The following UIMC1 variants were observed in gnomAD, a reference collection of about 807,000 sequenced individuals.
The protein encoded by UIMC1 is BRCA1-A complex subunit RAP80.
UIMC1 carries 42 observed loss-of-function variants against 84.9 expected under a neutral mutation model. The ratio of observed to expected loss-of-function variants is 0.49; its 90% CI spans 0.39 to 0.64. The LOEUF (loss-of-function observed/expected upper bound fraction) is 0.64. Among genes scored for constraint, UIMC1 ranks in the 30% least tolerant of loss-of-function variants. The probability of loss-of-function intolerance (pLI) is 0.00; values close to 1 mark genes in which losing one functional copy is unlikely to be tolerated. For synonymous variants in UIMC1, 281 were observed against 293.0 expected, an observed-to-expected ratio of 0.96 and a Z score of 0.42; for missense variants, 825 against 847.6, an observed-to-expected ratio of 0.97 and a Z score of 0.33.
At chr5:176,980,578 T>C (rs908369155) in intron 2 of UIMC1, among the ~76,000 whole-genome samples, 10 of 152,238 alleles carry the variant, frequency 6.6e-5, no homozygotes, top group African/African-American at 1.2e-4. Flanking sequence ...TTATTGCTTA[T>C]GGTTAAATGT....
intron 10 of UIMC1, among the ~76,000 whole-genome samples, chr5:176,928,883 G>A (rs6556294): frequency 0.43 from 64,532 of 150,868 alleles, 13,956 homozygotes; most frequent in East Asian, 0.48. Flanking sequence ...CCCAGGAGGC[G>A]GAGCTTGCAG....
In UIMC1 at chr5:176,917,978, T is replaced by A. The variant is rs142826002; in HGVS notation, c.1598-6589A>T. 3.0e-4 allele frequency among the ~76,000 whole-genome samples: 45 copies of A among 152,226 alleles called. No individual in the cohort carries two copies. The East Asian group carries it at 7.5e-3, about 26-fold the overall frequency. ...CTGTCTCAAAAAATAATAAAAAAAA[T>A]TGAATTCCTCAGTCCCATGAGCCAC... On this transcript the variant is annotated intron_variant, in intron 10 of 14. Transcript: ENST00000511320.
chr5:176,905,319 C>T lies in UIMC1; in HGVS notation c.2123G>A (p.Arg708Gln), dbSNP rs762879860. ...CCTTCTTCCTCTGCCAGCTTTGGTC[C>T]GTGTCCGACTACCTGGCTGGACAGT... The part of the protein sequence containing the change: ...QVTVQPGSRT[R>Q]TKAGRGRRRK... Residue 708 changes from arginine (R) to glutamine (Q), a missense_variant, in exon 15 of 15, where the codon CGG (arginine) becomes CAG (glutamine). Coordinates refer to ENST00000511320, the MANE Select transcript of UIMC1 (RefSeq NM_001199298.2). 2.5e-6 allele frequency: 4 copies of T among 1,614,066 alleles called. No individual in the cohort carries two copies. The highest frequency in any genetic ancestry group is 3.4e-6 in the Non-Finnish European group (4 of 1,179,966).
rs577335055 is a variant in UIMC1 at position 176,925,655 on chromosome 5, T to C, written c.1598-14266A>G. Among the ~76,000 whole-genome samples, 3 of 152,194 alleles carry C rather than the reference T, an allele frequency of 2.0e-5. No individual in the cohort carries two copies. The South Asian group carries it at 6.2e-4, about 32-fold the overall frequency. ...CGGATCAATCTCAAAAACATTATGCTGAGTGAAAGATTACATAAAAGTATA... is the reference window on the plus strand; with the variant it reads ...CGGATCAATCTCAAAAACATTATGCCGAGTGAAAGATTACATAAAAGTATA... On this transcript the variant is annotated intron_variant, in intron 10 of 14. Transcript: ENST00000511320.
In UIMC1 at chr5:176,943,441, G is replaced by C. The variant is rs1328051707; in HGVS notation, c.1491C>G (p.Phe497Leu). 1.9e-6 allele frequency: 3 copies of C among 1,614,046 alleles called. No individual in the cohort carries two copies. In the African/African-American group the frequency reaches 4.0e-5, roughly 22 times the overall value. ...GGCAGGATACCTGGTTACTGGATGAGAAGGTAGAAATAGCTACTTCCTTCT... is the reference window on the plus strand; with the variant it reads ...GGCAGGATACCTGGTTACTGGATGACAAGGTAGAAATAGCTACTTCCTTCT... ...DAEKEVAIST[F>L]SSSNQVSCPL... Residue 497 changes from phenylalanine to leucine, a missense_variant, in exon 10 of 15, where the codon TTC becomes TTG. Coordinates refer to ENST00000511320, the MANE Select transcript of UIMC1 (RefSeq NM_001199298.2).
Position 176,961,807 on chromosome 5 carries a change from A to C in UIMC1, c.1201-3653T>G, listed in dbSNP as rs1240250794. 1.3e-3 allele frequency among the ~76,000 whole-genome samples: 16 copies of C among 12,156 alleles called. 1 individual carries two copies. Among genetic ancestry groups the C allele is most frequent in the Non-Finnish European group, 2.4e-3 (14 of 5,930 alleles). The allele number at this position is 12,156 out of a possible 152,430, so 8.0% of individuals were successfully genotyped here. A position where few individuals can be genotyped will look rare whatever the true frequency, so the allele number is the denominator to read the frequency against. On this transcript the variant is annotated intron_variant, in intron 6 of 14. Transcript: ENST00000511320. Reference sequence around the variant, plus strand: ...CGCCCGGCCAGCCGCCCCGTCTGGGAGGTGAGGGGCGCCTCTGCCCGGCCG... The same window carrying C: ...CGCCCGGCCAGCCGCCCCGTCTGGGCGGTGAGGGGCGCCTCTGCCCGGCCG...
At chr5:176,966,828 A>T (rs936401628) in intron 6 of UIMC1, among the ~76,000 whole-genome samples, 1 of 152,154 alleles carries the variant, frequency 6.6e-6, no homozygotes, top group Admixed American at 6.5e-5. Context: ...TACTTTCTCT[A>T]CTATATAAAG....
intron 1 of UIMC1, among the ~76,000 whole-genome samples, chr5:176,988,099 T>C (rs1192771754): frequency 7.9e-6 from 1 of 126,910 alleles, no homozygotes; most frequent in Non-Finnish European, 1.5e-5. Context: ...GCCACAGCAC[T>C]CCAGCCTGGG....
rs558803089 is a variant in UIMC1 at position 177,000,149 on chromosome 5, G to A, written c.-9+6501C>T. 4.6e-5 allele frequency among the ~76,000 whole-genome samples: 7 copies of A among 152,208 alleles called. No individual in the cohort carries two copies. In the East Asian group the frequency reaches 9.7e-4, roughly 21 times the overall value. ...ATTTTTTTACATTTTTAGGAGAGAC[G>A]GGGTTTCACCGTGTTAGCCAGGATG... On this transcript the variant is annotated intron_variant, in intron 1 of 14. Transcript: ENST00000511320.
chr5:176,963,272 G>C (rs1767812745), intron 6 of UIMC1, among the ~76,000 whole-genome samples: 1 of 150,748 alleles, frequency 6.6e-6, no homozygotes, highest in African/African-American at 2.4e-5. Flanking sequence ...TGTAACCCCA[G>C]AACTTTGGGA....
intron 3 of UIMC1, among the ~76,000 whole-genome samples, chr5:176,973,879 G>A (rs1180900483): frequency 6.6e-6 from 1 of 152,040 alleles, no homozygotes; most frequent in African/African-American, 2.4e-5. Flanking sequence ...ACAACAGAGG[G>A]AGACCCTGTC....
intron 1 of UIMC1, among the ~76,000 whole-genome samples, chr5:176,983,911 C>T (rs1204382457): frequency 6.9e-6 from 1 of 144,758 alleles, no homozygotes; most frequent in East Asian, 2.1e-4. Context: ...TGAGGAGCAC[C>T]TCTGCCCGGC....
At chr5:176,980,532 T>C (rs1022261677) in intron 2 of UIMC1, among the ~76,000 whole-genome samples, 1 of 152,194 alleles carries the variant, frequency 6.6e-6, no homozygotes, top group African/African-American at 2.4e-5. Flanking sequence ...ATCACACAGA[T>C]GACATCAAGA....
chr5:176,974,948 G>A (rs77929770), intron 3 of UIMC1, among the ~76,000 whole-genome samples: 4,989 of 152,064 alleles, frequency 0.033, 292 homozygotes, highest in African/African-American at 0.11. Flanking sequence ...GAGGCCAGGA[G>A]TTTGAGATGA....
chr5:177,016,081 G>A (rs909333737), intron 1 of UIMC1, among the ~76,000 whole-genome samples: 1 of 151,482 alleles, frequency 6.6e-6, no homozygotes, highest in African/African-American at 2.4e-5. Context: ...AAGAAAAAAA[G>A]AGGCAGGACG....
At chr5:176,983,523 G>A (rs552471946) in intron 1 of UIMC1, among the ~76,000 whole-genome samples, 3 of 152,164 alleles carry the variant, frequency 2.0e-5, no homozygotes, top group South Asian at 2.1e-4. Flanking sequence ...ACGGAGTCTC[G>A]CTCACTCAAT....
chr5:176,942,046 C>T (rs1057269453), intron 10 of UIMC1, among the ~76,000 whole-genome samples: 5 of 151,992 alleles, frequency 3.3e-5, no homozygotes, highest in African/African-American at 4.8e-5. Context: ...GGTTTCACCA[C>T]GTTGACCAGG....
chr5:176,905,228 A>ACC lies in UIMC1; in HGVS notation c.*53_*54insGG. ...AACTAGGGACCACTATGGCTTAATGAACATGGCCCACCCCTCCTACTAATG... is the reference window on the plus strand; with the variant it reads ...AACTAGGGACCACTATGGCTTAATGACCACATGGCCCACCCCTCCTACTAATG... On this transcript the variant is annotated 3_prime_UTR_variant, in exon 15 of 15. Coordinates refer to ENST00000511320, the MANE Select transcript of UIMC1 (RefSeq NM_001199298.2). The ACC allele has an allele frequency of 1.3e-6, 2 of 1,589,104 alleles. No individual in the cohort carries two copies. The highest frequency in any genetic ancestry group is 1.7e-5 in the Admixed American group (1 of 58,566).
intron 6 of UIMC1, among the ~76,000 whole-genome samples, chr5:176,965,078 GA>G (rs1768070419): frequency 6.6e-6 from 1 of 152,122 alleles, no homozygotes; most frequent in Admixed American, 6.5e-5. Context: ...ATGAGATACA[GA>G]AAAATCAGAT....
Sources: allele counts gnomAD v4.1 joint callset (sites outside exome capture counted in the v4.1 genomes callset), GRCh38; gene constraint gnomAD v4.1.1; transcripts MANE v1.5; gene names NCBI Gene and HGNC (gene_info 2026-07-23, HGNC 2026-07-21).